Variants in CNBD1 observed in about 807,000 individuals in gnomAD.
The protein encoded by CNBD1 is cyclic nucleotide binding domain containing 1, also known as cyclic nucleotide-binding domain-containing protein 1.
A neutral mutation model predicts 54.4 loss-of-function variants in CNBD1; 71 were observed. That is an observed-to-expected ratio of 1.30 (90% CI 1.08 to 1.59). CNBD1 has a LOEUF of 1.59. Ranked by LOEUF, CNBD1 falls within the 40% of genes most tolerant of loss-of-function variation. The probability of loss-of-function intolerance (pLI) is 0.00; values close to 1 mark genes in which losing one functional copy is unlikely to be tolerated. For missense variants in CNBD1, 659 were observed against 518.0 expected (o/e 1.27, Z -2.64); for synonymous variants, 182 against 170.7 (o/e 1.07, Z -0.51).
intron 4 of CNBD1, among the ~76,000 whole-genome samples, chr8:87,053,528 G>A (rs1306815761): frequency 6.6e-6 from 1 of 152,214 alleles, no homozygotes; most frequent in African/African-American, 2.4e-5. Flanking sequence ...GAAAAAGACA[G>A]AAGGGGTGTC....
chr8:86,951,504 T>G (rs950107159), intron 4 of CNBD1, among the ~76,000 whole-genome samples: 2 of 131,424 alleles, frequency 1.5e-5, no homozygotes, highest in Admixed American at 1.9e-4. Context: ...CACTTGAACC[T>G]GGGAGGCAGA....
chr8:87,309,375 G>A (rs542396590), intron 8 of CNBD1, among the ~76,000 whole-genome samples: 1 of 151,922 alleles, frequency 6.6e-6, no homozygotes, highest in South Asian at 2.1e-4. Flanking sequence ...TGCATTTCTT[G>A]GTACCTAATA....
At chr8:86,870,206 T>G (rs1808423414) in intron 1 of CNBD1, among the ~76,000 whole-genome samples, 1 of 148,368 alleles carries the variant, frequency 6.7e-6, no homozygotes, top group Non-Finnish European at 1.5e-5. Flanking sequence ...TTTTTTTTTC[T>G]GAGACGGAAT....
At chr8:87,306,270 C>A (rs1456841529) in intron 8 of CNBD1, among the ~76,000 whole-genome samples, 4 of 151,902 alleles carry the variant, frequency 2.6e-5, no homozygotes, top group Non-Finnish European at 2.9e-5. Context: ...GGTGGTGTGG[C>A]TGCAGGGAAC....
chr8:87,169,248 T>TC (rs1464176404), intron 4 of CNBD1, among the ~76,000 whole-genome samples: 4 of 152,122 alleles, frequency 2.6e-5, no homozygotes, highest in Admixed American at 2.0e-4. Context: ...TCTATTCAGA[T>TC]CTTTTGACCA....
At chr8:87,177,823 A>G (rs760877252) in intron 4 of CNBD1, among the ~76,000 whole-genome samples, 1 of 152,222 alleles carries the variant, frequency 6.6e-6, no homozygotes, top group Non-Finnish European at 1.5e-5. Flanking sequence ...AATTGCATGA[A>G]TTGTAAAATA....
chr8:87,245,692 G>A (rs761883786), intron 6 of CNBD1, among the ~76,000 whole-genome samples: 4 of 151,888 alleles, frequency 2.6e-5, no homozygotes, highest in African/African-American at 7.2e-5. Context: ...TCTGTGAAGC[G>A]CCTGATATTG....
chr8:86,926,462 A>G (rs918413344), intron 3 of CNBD1, among the ~76,000 whole-genome samples: 1 of 152,160 alleles, frequency 6.6e-6, no homozygotes, highest in African/African-American at 2.4e-5. Context: ...TTTGACAAGG[A>G]GGTTAAAAAT....
At chr8:87,350,905 G>A (rs1263630544) in intron 8 of CNBD1, among the ~76,000 whole-genome samples, 2 of 152,038 alleles carry the variant, frequency 1.3e-5, no homozygotes, top group Non-Finnish European at 2.9e-5. Flanking sequence ...TAGTTACAAA[G>A]TTATAATAGA....
Position 87,369,307 on chromosome 8 carries a change from G to T in CNBD1, c.1304-13313G>T, listed in dbSNP as rs564306380. Among the ~76,000 whole-genome samples, 15 of 152,042 alleles carry T rather than the reference G, an allele frequency of 9.9e-5. No individual in the cohort carries two copies. In the South Asian group the frequency reaches 2.9e-3, roughly 29 times the overall value. ...AGGTCAATTCTACCATTCCGTACAT[G>T]CTGTTTGAGTCATCTATGTTCTTTT... On this transcript the variant is annotated intron_variant, in intron 10 of 10. Transcript: ENST00000518476.
chr8:87,285,007 G>C (rs540345658), intron 7 of CNBD1, among the ~76,000 whole-genome samples, 192 bp downstream of exon 7: 2 of 152,062 alleles, frequency 1.3e-5, no homozygotes, highest in African/African-American at 4.8e-5. Context: ...GTAAACAAAG[G>C]TCTCAATGAA....
intron 6 of CNBD1, among the ~76,000 whole-genome samples, chr8:87,251,739 C>A (rs189397733): frequency 1.3e-5 from 2 of 151,876 alleles, no homozygotes; most frequent in East Asian, 3.9e-4. Flanking sequence ...TAATTGTATT[C>A]TTTAGTCATT....
rs114355187 is a variant in CNBD1 at position 87,367,694 on chromosome 8, T to C, written c.1303+13908T>C. Among the ~76,000 whole-genome samples the C allele has an allele frequency of 9.7e-3, 1,481 of 152,226 alleles. 21 individuals are homozygous for C. The highest frequency in any genetic ancestry group is 0.033 in the African/African-American group (1,365 of 41,556). On this transcript the variant is annotated intron_variant, in intron 10 of 10. Coordinates refer to ENST00000518476, the MANE Select transcript of CNBD1 (RefSeq NM_173538.3). ...ATGTTCACAACAACCCATTGAGAAATATGCATTTAATAGCCCTATTTTGTG... is the reference window on the plus strand; with the variant it reads ...ATGTTCACAACAACCCATTGAGAAACATGCATTTAATAGCCCTATTTTGTG...
At chr8:87,355,556 A>G (rs1810403876) in intron 10 of CNBD1, among the ~76,000 whole-genome samples, 1 of 152,188 alleles carries the variant, frequency 6.6e-6, no homozygotes, top group African/African-American at 2.4e-5. Flanking sequence ...ACAATTGAGT[A>G]TGAAGGAGAA....
chr8:87,055,433 T>TCC (rs146345882), intron 4 of CNBD1, among the ~76,000 whole-genome samples: 1 of 151,622 alleles, frequency 6.6e-6, no homozygotes, highest in African/African-American at 2.4e-5. Context: ...TTTAGGTAAG[T>TCC]CCCCCCCTTC....
chr8:86,874,986 T>TTTTATATATATA (rs1304865331), intron 1 of CNBD1, among the ~76,000 whole-genome samples: 149 of 120,068 alleles, frequency 1.2e-3, no homozygotes, highest in African/African-American at 4.8e-3. Context: ...GTAAATCAAT[T>TTTTATATATATA]TATATATATA....
chr8:87,141,812 A>G lies in CNBD1; in HGVS notation c.432-64181A>G, dbSNP rs115408258. On this transcript the variant is annotated intron_variant, in intron 4 of 10. Coordinates refer to ENST00000518476, the MANE Select transcript of CNBD1 (RefSeq NM_173538.3). ...AGCCTTTTGCCCAATTATATTTTAT[A>G]TTCTGAAAGAATGGAAACAATCTCT... is the stretch of plus-strand genomic sequence containing the variant. 2.6e-3 allele frequency among the ~76,000 whole-genome samples: 391 copies of G among 152,256 alleles called. 1 individual carries two copies. The highest frequency in any genetic ancestry group is 9.1e-3 in the African/African-American group (379 of 41,582).
At chr8:87,248,315 A>C (rs916576812) in intron 6 of CNBD1, among the ~76,000 whole-genome samples, 2 of 152,204 alleles carry the variant, frequency 1.3e-5, no homozygotes, top group Non-Finnish European at 2.9e-5. Flanking sequence ...CACCTTTTAA[A>C]CTGCAGCCTC....
intron 8 of CNBD1, among the ~76,000 whole-genome samples, chr8:87,296,913 C>A (rs1238060129): frequency 4.6e-5 from 7 of 151,922 alleles, no homozygotes; most frequent in Non-Finnish European, 7.4e-5. Flanking sequence ...TGGTGGCTCA[C>A]GCCTGTAATC....
Sources: allele counts gnomAD v4.1 joint callset (sites outside exome capture counted in the v4.1 genomes callset), GRCh38; gene constraint gnomAD v4.1.1; transcripts MANE v1.5; gene names NCBI Gene and HGNC (gene_info 2026-07-23, HGNC 2026-07-21).